Variants in ADAMTS17 observed in about 807,000 individuals in gnomAD.
ADAMTS17 encodes the protein ADAM metallopeptidase with thrombospondin type 1 motif 17.
In ADAMTS17, 113 loss-of-function variants were observed where a neutral mutation model predicts 141.5. The ratio of observed to expected loss-of-function variants is 0.80; its 90% CI spans 0.69 to 0.93. The LOEUF (loss-of-function observed/expected upper bound fraction) is 0.93. Ranked by LOEUF, ADAMTS17 falls within the 40% of genes least tolerant of loss-of-function variation. ADAMTS17 has a pLI of 0.00. For synonymous variants in ADAMTS17, 768 were observed against 630.6 expected, an observed-to-expected ratio of 1.22 and a Z score of -3.27; for missense variants, 1,659 against 1,517.9, an observed-to-expected ratio of 1.09 and a Z score of -1.54.
intron 20 of ADAMTS17, among the ~76,000 whole-genome samples, chr15:99,982,612 T>C (rs934595): frequency 0.1 from 15,212 of 152,238 alleles, 2,344 homozygotes; most frequent in African/African-American, 0.33. Flanking sequence ...CCCCAAGCAT[T>C]GCTGTGAAGC....
intron 15 of ADAMTS17, among the ~76,000 whole-genome samples, chr15:100,068,474 C>G (rs1357918051): frequency 3.9e-5 from 6 of 152,222 alleles, no homozygotes; most frequent in Non-Finnish European, 5.9e-5. Flanking sequence ...TCCCTGACCC[C>G]TGAGTAGCCT....
chr15:100,220,322 T>G lies in ADAMTS17; in HGVS notation c.1076-20899A>C, dbSNP rs528197768. Among the ~76,000 whole-genome samples the G allele has an allele frequency of 8.5e-4, 129 of 152,282 alleles. 2 individuals carry two copies. The highest frequency in any genetic ancestry group is 6.8e-3 in the Middle Eastern group (2 of 294). On this transcript the variant is annotated intron_variant, in intron 7 of 21. Transcript: ENST00000268070. The stretch of plus-strand genomic sequence containing the variant: ...TGAACTGAAATAAATCCATCCTAAG[T>G]GGGGTGGCAGCGGAAGCATATGCTT...
chr15:100,228,035 A>C (rs979722667), intron 7 of ADAMTS17, among the ~76,000 whole-genome samples: 1 of 152,188 alleles, frequency 6.6e-6, no homozygotes, highest in African/African-American at 2.4e-5. Context: ...CGCTTTGTGG[A>C]GCCCTCAAGG....
At chr15:100,076,462 A>G (rs1046515049) in intron 15 of ADAMTS17, among the ~76,000 whole-genome samples, 1 of 152,190 alleles carries the variant, frequency 6.6e-6, no homozygotes, top group Non-Finnish European at 1.5e-5. Flanking sequence ...TTAAAAAGTC[A>G]TATGTTTTCC....
In ADAMTS17 at chr15:100,262,195, C is replaced by T. The variant is rs571870253; in HGVS notation, c.873+157G>A. On this transcript the variant is annotated intron_variant, in intron 5 of 21. Coordinates refer to ENST00000268070, the MANE Select transcript of ADAMTS17 (RefSeq NM_139057.4). Reference sequence around the variant, plus strand: ...ACAGCCCCCCCTCACACCATGCTTCCGGTACTGATGCCGGCTTTCCTCTCA... The same window carrying T: ...ACAGCCCCCCCTCACACCATGCTTCTGGTACTGATGCCGGCTTTCCTCTCA... Among the ~76,000 whole-genome samples, 16 of 152,208 alleles carry T rather than the reference C, an allele frequency of 1.1e-4. No homozygotes were observed. In the East Asian group the frequency reaches 1.7e-3, roughly 17 times the overall value.
chr15:100,187,310 G>A (rs1167426952), intron 8 of ADAMTS17, among the ~76,000 whole-genome samples: 1 of 152,134 alleles, frequency 6.6e-6, no homozygotes, highest in Non-Finnish European at 1.5e-5. Flanking sequence ...ATTGCTTTAG[G>A]GTGCTCTTCG....
intron 12 of ADAMTS17, among the ~76,000 whole-genome samples, chr15:100,130,171 C>T (rs574068003): frequency 1.8e-3 from 270 of 152,164 alleles, no homozygotes; most frequent in African/African-American, 6.0e-3. Flanking sequence ...TCAAGACCAG[C>T]CTGGCAACAT....
intron 7 of ADAMTS17, among the ~76,000 whole-genome samples, chr15:100,201,823 T>C (rs4516211): frequency 0.19 from 29,438 of 152,080 alleles, 3,040 homozygotes; most frequent in African/African-American, 0.23. Flanking sequence ...AAGGTCATTA[T>C]TCTGGGTTTT....
intron 3 of ADAMTS17, among the ~76,000 whole-genome samples, chr15:100,286,768 C>CA (rs1407651194): frequency 6.6e-6 from 1 of 152,094 alleles, no homozygotes; most frequent in African/African-American, 2.4e-5. Flanking sequence ...GTCTTACCTC[C>CA]AAATGACCAC....
At chr15:100,174,016 T>TC (rs1358076366) in intron 8 of ADAMTS17, among the ~76,000 whole-genome samples, 1 of 152,120 alleles carries the variant, frequency 6.6e-6, no homozygotes, top group Non-Finnish European at 1.5e-5. Flanking sequence ...CCAGGCACAG[T>TC]CCCCTACCTG....
chr15:100,217,889 G>A (rs1166912645), intron 7 of ADAMTS17, among the ~76,000 whole-genome samples: 2 of 152,180 alleles, frequency 1.3e-5, no homozygotes, highest in Non-Finnish European at 2.9e-5. Flanking sequence ...AGGAATGACT[G>A]AATGATTGAC....
At chr15:100,120,504 C>G (rs915060501) in intron 12 of ADAMTS17, among the ~76,000 whole-genome samples, 1 of 152,174 alleles carries the variant, frequency 6.6e-6, no homozygotes, top group Non-Finnish European at 1.5e-5. Context: ...GTAACCTCCA[C>G]CAGGTGAAGT....
chr15:99,996,137 C>T (rs185933832), intron 19 of ADAMTS17, among the ~76,000 whole-genome samples: 10 of 151,962 alleles, frequency 6.6e-5, no homozygotes, highest in African/African-American at 2.4e-4. Context: ...TCACTGCAAC[C>T]TCTACCTCCC....
At chr15:100,115,013 A>G (rs1260573503) in intron 13 of ADAMTS17, among the ~76,000 whole-genome samples, 1 of 152,242 alleles carries the variant, frequency 6.6e-6, no homozygotes, top group African/African-American at 2.4e-5. Flanking sequence ...CACAAAGTTG[A>G]GTTGAAATTT....
intron 15 of ADAMTS17, among the ~76,000 whole-genome samples, chr15:100,064,510 T>C (rs143627423): frequency 6.6e-6 from 1 of 152,322 alleles, no homozygotes; most frequent in African/African-American, 2.4e-5. Flanking sequence ...TGCTCTTTGT[T>C]GTATTTTGAA....
chr15:100,031,614 CT>C (rs542335151), intron 18 of ADAMTS17, among the ~76,000 whole-genome samples: 149 of 152,322 alleles, frequency 9.8e-4, no homozygotes, highest in Non-Finnish European at 1.8e-3. Flanking sequence ...CATCTGTCCC[CT>C]AATGGGTAAA....
intron 3 of ADAMTS17, among the ~76,000 whole-genome samples, chr15:100,323,084 C>CAAAAAAAAAAA (rs60468549): frequency 2.8e-5 from 3 of 107,484 alleles, no homozygotes; most frequent in Non-Finnish European, 5.3e-5. Context: ...GACTCCGTCT[C>CAAAAAAAAAAA]AAAAAAAAAA....
intron 18 of ADAMTS17, among the ~76,000 whole-genome samples, chr15:100,039,492 T>C (rs889653086): frequency 6.6e-6 from 1 of 152,218 alleles, no homozygotes; most frequent in Admixed American, 6.5e-5. Context: ...GTGATTTCTA[T>C]TTGACCCACT....
chr15:100,092,043 G>T (rs1390813186), intron 15 of ADAMTS17, among the ~76,000 whole-genome samples: 1 of 152,146 alleles, frequency 6.6e-6, no homozygotes, highest in Non-Finnish European at 1.5e-5. Flanking sequence ...TCTGCCTGTA[G>T]GGACACCAGT....
Sources: allele counts gnomAD v4.1 joint callset (sites outside exome capture counted in the v4.1 genomes callset), GRCh38; gene constraint gnomAD v4.1.1; transcripts MANE v1.5; gene names NCBI Gene and HGNC (gene_info 2026-07-23, HGNC 2026-07-21).